ERGIC1: variants seen among roughly 807,000 people sequenced by gnomAD.
The protein encoded by ERGIC1 is endoplasmic reticulum-golgi intermediate compartment 1, also known as endoplasmic reticulum-Golgi intermediate compartment protein 1.
Under a neutral mutation model 38.3 loss-of-function variants are expected in ERGIC1, and 19 were observed. That is an observed-to-expected ratio of 0.50 (90% CI 0.35 to 0.73). ERGIC1 has a LOEUF of 0.73. ERGIC1 is among the 30% of genes least tolerant of loss of function. The pLI is 0.01. For synonymous variants in ERGIC1, 124 were observed against 157.6 expected, an observed-to-expected ratio of 0.79 and a Z score of 1.60; for missense variants, 294 against 389.2, an observed-to-expected ratio of 0.76 and a Z score of 2.06.
At chr5:172,868,954 T>G (rs1319395523) in intron 1 of ERGIC1, among the ~76,000 whole-genome samples, 1 of 152,280 alleles carries the variant, frequency 6.6e-6, no homozygotes, top group Non-Finnish European at 1.5e-5. Context: ...AGCAGTGATG[T>G]GCAGCAGGGC....
intron 3 of ERGIC1, among the ~76,000 whole-genome samples, chr5:172,897,428 C>CAA (rs71310033): frequency 1.0e-4 from 11 of 109,954 alleles, no homozygotes; most frequent in Non-Finnish European, 1.7e-4. Flanking sequence ...GACCCTGTTT[C>CAA]AAAAAAAAAA....
At chr5:172,915,461 A>G (rs1389365265) in intron 5 of ERGIC1, 6 of 419,290 alleles carry the variant, frequency 1.4e-5, no homozygotes, top group Non-Finnish European at 3.0e-5. Flanking sequence ...GGTGGGCTTG[A>G]AAGTACCTTG....
At chr5:172,879,890 C>A (rs1762237963) in intron 1 of ERGIC1, among the ~76,000 whole-genome samples, 1 of 152,150 alleles carries the variant, frequency 6.6e-6, no homozygotes, top group Admixed American at 6.5e-5. Context: ...CTGGCCTCTA[C>A]CTATGAGATG....
chr5:172,914,088 AT>A (rs1052209818), intron 4 of ERGIC1, among the ~76,000 whole-genome samples: 1 of 151,882 alleles, frequency 6.6e-6, no homozygotes, highest in South Asian at 2.1e-4. Context: ...TACAAAAAAA[AT>A]TTTTTTGTAT....
chr5:172,943,569 C>CT (rs1764057448), intron 9 of ERGIC1, among the ~76,000 whole-genome samples: 1 of 152,158 alleles, frequency 6.6e-6, no homozygotes, highest in South Asian at 2.1e-4. Context: ...TGAACAGTTC[C>CT]TGGGCACTTA....
At chr5:172,854,312 G>A (rs894808232) in intron 1 of ERGIC1, among the ~76,000 whole-genome samples, 1 of 152,158 alleles carries the variant, frequency 6.6e-6, no homozygotes, top group African/African-American at 2.4e-5. Context: ...AGCCCGGGAG[G>A]TTGAGGCTGC....
At chr5:172,945,462 G>A (rs1247406790) in intron 9 of ERGIC1, among the ~76,000 whole-genome samples, 2 of 152,222 alleles carry the variant, frequency 1.3e-5, no homozygotes, top group Admixed American at 6.5e-5. Context: ...AATGGAAGTT[G>A]AGACCCAAAG....
At chr5:172,901,130 C>T (rs546388) in intron 3 of ERGIC1, among the ~76,000 whole-genome samples, 68,208 of 151,982 alleles carry the variant, frequency 0.45, 15,382 homozygotes, top group Admixed American at 0.47. Flanking sequence ...CTCCCGCCAC[C>T]ATGAGATTGT....
At chr5:172,891,508 G>A (rs546370848) in intron 2 of ERGIC1, among the ~76,000 whole-genome samples, 1 of 151,216 alleles carries the variant, frequency 6.6e-6, no homozygotes, top group African/African-American at 2.4e-5. Flanking sequence ...GTGGGATCTC[G>A]GTTCACTGCA....
chr5:172,914,575 C>A, intron 4 of ERGIC1, 139 bp from the exon 5 acceptor site: 3 of 1,407,398 alleles, frequency 2.1e-6, no homozygotes, highest in Non-Finnish European at 3.0e-6. Context: ...TCTTTGGACC[C>A]CAGACCATGA....
intron 1 of ERGIC1, among the ~76,000 whole-genome samples, chr5:172,845,202 C>T (rs2113523800): frequency 6.6e-6 from 1 of 152,256 alleles, no homozygotes; most frequent in African/African-American, 2.4e-5. Flanking sequence ...CCGTGGATAC[C>T]CTCCATCTAC....
intron 5 of ERGIC1, among the ~76,000 whole-genome samples, chr5:172,920,200 C>T (rs1208380000): frequency 6.6e-6 from 1 of 152,162 alleles, no homozygotes; most frequent in Admixed American, 6.5e-5. Flanking sequence ...CCGTCCCCCA[C>T]CCCAGCCCAG....
At chr5:172,893,371 C>T (rs1219213766) in intron 2 of ERGIC1, among the ~76,000 whole-genome samples, 1 of 152,120 alleles carries the variant, frequency 6.6e-6, no homozygotes, top group Non-Finnish European at 1.5e-5. Context: ...TGTTCTCAAA[C>T]TCCTGACCTC....
intron 5 of ERGIC1, among the ~76,000 whole-genome samples, chr5:172,922,839 A>G (rs956246774): frequency 6.6e-6 from 1 of 152,212 alleles, no homozygotes; most frequent in Non-Finnish European, 1.5e-5. Context: ...AGATCTTAAC[A>G]GTCATTATTG....
At chr5:172,932,371 T>C in intron 7 of ERGIC1, 65 bp from the exon 8 acceptor site, 1 of 1,542,590 alleles carries the variant, frequency 6.5e-7, no homozygotes, top group Non-Finnish European at 8.9e-7. Context: ...AGGATTGAAA[T>C]GACATAGAGC....
intron 1 of ERGIC1, among the ~76,000 whole-genome samples, chr5:172,855,593 T>A (rs1272812301): frequency 6.6e-6 from 1 of 152,186 alleles, no homozygotes; most frequent in East Asian, 1.9e-4. Context: ...CTGGGGATGT[T>A]CTGATCCAGC....
At chr5:172,894,045 GA>G (rs1762654887) in intron 2 of ERGIC1, among the ~76,000 whole-genome samples, 1 of 129,134 alleles carries the variant, frequency 7.7e-6, no homozygotes, top group Non-Finnish European at 1.6e-5. Flanking sequence ...TATACAGCTG[GA>G]TTTTTTTTTT....
At chr5:172,883,781 A>C (rs566178596) in intron 1 of ERGIC1, among the ~76,000 whole-genome samples, 7 of 152,328 alleles carry the variant, frequency 4.6e-5, no homozygotes, top group African/African-American at 1.7e-4. Flanking sequence ...CTGTAGTTGA[A>C]GACCAGCCTG....
intron 5 of ERGIC1, among the ~76,000 whole-genome samples, chr5:172,922,737 C>T (rs757696480): frequency 6.0e-4 from 92 of 152,228 alleles, no homozygotes; most frequent in Non-Finnish European, 1.1e-3. Flanking sequence ...GCCTGTGGGC[C>T]ACCACGAGGA....
Sources: gnomAD v4.1 joint callset for allele counts (sites outside exome capture counted in the v4.1 genomes callset) on GRCh38, gnomAD v4.1.1 for gene constraint, MANE v1.5 for transcripts, NCBI Gene and HGNC (gene_info 2026-07-23, HGNC 2026-07-21) for gene names.